Variants in SPNS3 observed in about 807,000 individuals in gnomAD.
The protein encoded by SPNS3 is SPNS lysolipid transporter 3, sphingosine-1-phosphate (putative).
A neutral mutation model predicts 54.4 loss-of-function variants in SPNS3; 51 were observed. The observed-to-expected ratio is 0.94, with a 90% CI of 0.75 to 1.18. SPNS3 has a LOEUF of 1.18. Among genes scored for constraint, SPNS3 ranks in the 50% most tolerant of loss-of-function variants. The pLI is 0.00. For synonymous variants in SPNS3, 309 were observed against 294.7 expected (o/e 1.05, Z -0.50); for missense variants, 669 against 677.4 (o/e 0.99, Z 0.14).
chr17:4,447,269 C>T, intron 5 of SPNS3, among the ~76,000 whole-genome samples: 1 of 152,222 alleles, frequency 6.6e-6, no homozygotes, highest in Non-Finnish European at 1.5e-5. Flanking sequence ...CTACCTAAGG[C>T]ATCTTGAGGA....
intron 8 of SPNS3, among the ~76,000 whole-genome samples, chr17:4,458,588 C>CCTTCCTTTCTTTCTTT (rs1413694695): frequency 0.015 from 892 of 59,276 alleles, 70 homozygotes; most frequent in East Asian, 0.024. Flanking sequence ...TTCCTTCCCT[C>CCTTCCTTTCTTTCTTT]CTTTCTTTCT....
Position 4,453,293 on chromosome 17 carries a change from T to C in SPNS3, c.1113+88T>C, listed in dbSNP as rs1313963342. Reference sequence around the variant, plus strand: ...AGGCTCATGCTGCGCCCGGCCTTTATGTACAATTATGTTGATCACTCCTTC... The same window carrying C: ...AGGCTCATGCTGCGCCCGGCCTTTACGTACAATTATGTTGATCACTCCTTC... On this transcript the variant is annotated intron_variant, in intron 8 of 11. Coordinates refer to ENST00000355530, the MANE Select transcript of SPNS3 (RefSeq NM_182538.5). 5 of 1,225,206 alleles carry C rather than the reference T, an allele frequency of 4.1e-6. No homozygotes were observed. In the East Asian group the frequency reaches 1.2e-4, roughly 29 times the overall value. 75.9% of individuals were successfully genotyped at this position (1,225,206 alleles called of 1,614,324 possible).
chr17:4,442,903 G>T (rs1185632649), intron 2 of SPNS3, among the ~76,000 whole-genome samples: 1 of 152,104 alleles, frequency 6.6e-6, no homozygotes, highest in African/African-American at 2.4e-5. Context: ...TCACAGAAAT[G>T]ATTTGAATTA....
At chr17:4,443,290 C>T (rs984693292) in intron 2 of SPNS3, among the ~76,000 whole-genome samples, 10 of 152,164 alleles carry the variant, frequency 6.6e-5, no homozygotes, top group Non-Finnish European at 1.2e-4. Flanking sequence ...CGGCTGGTCT[C>T]GAACTCCTGA....
rs200332290 is a variant in SPNS3 at position 4,487,776 on chromosome 17, C to T, written c.1451-30C>T. On this transcript the variant is annotated intron_variant, in intron 11 of 11. Transcript: ENST00000355530. ...GTCCCAAAGCACCTTCTGCAACCTT[C>T]GGGCAGGCTGAGCATCTTTCCTCCT... The T allele has an allele frequency of 1.9e-5, 30 of 1,607,870 alleles. 1 individual carries two copies. Among genetic ancestry groups the T allele is most frequent in the African/African-American group, 1.5e-4 (11 of 75,016 alleles).
At chr17:4,459,371 C>A (rs755342309) in intron 8 of SPNS3, among the ~76,000 whole-genome samples, 2 of 152,080 alleles carry the variant, frequency 1.3e-5, no homozygotes, top group African/African-American at 4.8e-5. Context: ...GTTTATTCAA[C>A]CAATATTTAT....
chr17:4,470,203 C>A (rs561213838), intron 8 of SPNS3, among the ~76,000 whole-genome samples: 13 of 151,902 alleles, frequency 8.6e-5, no homozygotes, highest in African/African-American at 3.1e-4. Context: ...CCGAGGTGGG[C>A]GGATCACTTG....
rs1000675370 is a variant in SPNS3 at position 4,471,870 on chromosome 17, T to TTC, written c.1114-6701_1114-6700insCT. On this transcript the variant is annotated intron_variant, in intron 8 of 11. Coordinates refer to ENST00000355530, the MANE Select transcript of SPNS3 (RefSeq NM_182538.5). Reference sequence around the variant, plus strand: ...TATCTTTTAGGTTGGATTTTTTGTTTTTTTTTGAGACAGAGTCTCACTCTG... The same window carrying TTC: ...TATCTTTTAGGTTGGATTTTTTGTTTTCTTTTTTGAGACAGAGTCTCACTCTG... Among the ~76,000 whole-genome samples, 9 of 151,890 alleles carry TTC rather than the reference T, an allele frequency of 5.9e-5. No homozygotes were observed. In the South Asian group the frequency reaches 8.3e-4, roughly 14 times the overall value.
chr17:4,455,619 C>T (rs1290448540), intron 8 of SPNS3, among the ~76,000 whole-genome samples: 4 of 152,126 alleles, frequency 2.6e-5, no homozygotes, highest in South Asian at 2.1e-4. Context: ...TCTCCCTCCA[C>T]GGTGTCCATC....
At chr17:4,470,798 T>C (rs1449380787) in intron 8 of SPNS3, among the ~76,000 whole-genome samples, 1 of 152,244 alleles carries the variant, frequency 6.6e-6, no homozygotes. Flanking sequence ...GACTTATTGA[T>C]GAATACTAGC....
chr17:4,467,393 G>T (rs1324277888), intron 8 of SPNS3, among the ~76,000 whole-genome samples: 1 of 152,066 alleles, frequency 6.6e-6, no homozygotes, highest in Non-Finnish European at 1.5e-5. Flanking sequence ...TGGTTCCTCT[G>T]CTGGTTTGCC....
chr17:4,466,765 A>AGC (rs1356429459), intron 8 of SPNS3, among the ~76,000 whole-genome samples: 2 of 152,076 alleles, frequency 1.3e-5, no homozygotes, highest in East Asian at 1.9e-4. Flanking sequence ...GAATCGCTGG[A>AGC]ACATGGGAGG....
intron 8 of SPNS3, among the ~76,000 whole-genome samples, chr17:4,467,823 G>A (rs1377526454): frequency 1.3e-5 from 2 of 152,230 alleles, no homozygotes; most frequent in Admixed American, 6.5e-5. Context: ...CTGCCACCAT[G>A]CCCGGCTAAT....
intron 8 of SPNS3, among the ~76,000 whole-genome samples, chr17:4,461,860 T>G (rs1047549588): frequency 6.6e-6 from 1 of 151,886 alleles, no homozygotes; most frequent in Non-Finnish European, 1.5e-5. Flanking sequence ...ACATTCTGAG[T>G]TTGTCGGGGG....
intron 8 of SPNS3, among the ~76,000 whole-genome samples, chr17:4,467,255 A>AGCG (rs1039627528): frequency 2.0e-5 from 3 of 152,042 alleles, no homozygotes; most frequent in Non-Finnish European, 4.4e-5. Context: ...CAGACTGTCC[A>AGCG]GCGCAGAGGT....
Position 4,439,716 on chromosome 17 carries a change from T to A in SPNS3, c.258T>A (p.Leu86=), listed in dbSNP as rs781582385. The change falls in exon 2 of 12, where the codon CTT becomes CTA. Residue 86 remains leucine (L), a synonymous_variant. Coordinates refer to ENST00000355530, the MANE Select transcript of SPNS3 (RefSeq NM_182538.5). The part of the protein sequence containing the change: ...FQISDNHAGL[L]QTVFVSCLLL... ...TCAGTGACAACCATGCTGGTTTGCT[T>A]CAGACTGGTAAGGAGGAGCCCTGGC... 6.2e-7 allele frequency: 1 copy of A among 1,612,502 alleles called. No individual in the cohort carries two copies. The highest frequency in any genetic ancestry group is 1.1e-5 in the South Asian group (1 of 90,596).
At chr17:4,440,279 G>T (rs1970816230) in intron 2 of SPNS3, among the ~76,000 whole-genome samples, 1 of 152,118 alleles carries the variant, frequency 6.6e-6, no homozygotes, top group South Asian at 2.1e-4. Flanking sequence ...TCCCTTGTGG[G>T]TGCCTGGATG....
chr17:4,438,438 T>A (rs183819008), intron 1 of SPNS3, among the ~76,000 whole-genome samples: 25 of 152,296 alleles, frequency 1.6e-4, no homozygotes, highest in Admixed American at 6.5e-4. Flanking sequence ...AAGTGAGGAT[T>A]GTTCTTCTTC....
At chr17:4,435,440 C>CAA (rs759364661) in intron 1 of SPNS3, among the ~76,000 whole-genome samples, 3 of 68,398 alleles carry the variant, frequency 4.4e-5, no homozygotes, top group Non-Finnish European at 6.0e-5. Flanking sequence ...GGCTCTGTCT[C>CAA]AAAAAAAAAA....
Sources: allele counts gnomAD v4.1 joint callset (sites outside exome capture counted in the v4.1 genomes callset), GRCh38; gene constraint gnomAD v4.1.1; transcripts MANE v1.5; gene names NCBI Gene and HGNC (gene_info 2026-07-23, HGNC 2026-07-21).